The following IKZF3 variants were observed in gnomAD, a reference collection of about 807,000 sequenced individuals.
IKZF3 encodes the protein IKAROS family zinc finger 3.
A neutral mutation model predicts 49.0 loss-of-function variants in IKZF3; 10 were observed. The observed-to-expected ratio is 0.20, with a 90% CI of 0.13 to 0.35. The LOEUF (loss-of-function observed/expected upper bound fraction) is 0.35, where lower values mean the gene tolerates loss of function less well. IKZF3 is among the 10% of genes least tolerant of loss of function. IKZF3 has a pLI of 1.00. For missense variants in IKZF3, 498 were observed against 664.8 expected (o/e 0.75, Z 2.76); for synonymous variants, 209 against 228.2 (o/e 0.92, Z 0.76).
At position 39,864,244 on chromosome 17, in the gene IKZF3, G is replaced by A. The variant is rs1033355213; in HGVS notation, c.-118C>T. On this transcript the variant is annotated 5_prime_UTR_variant, in exon 1 of 8. Transcript: ENST00000346872. ...GAGATTCCCGGCGCGGGGAGTCCCCGGGATCCGGCAGCCGCGTCGGCGCAG... is the reference window on the plus strand; with the variant it reads ...GAGATTCCCGGCGCGGGGAGTCCCCAGGATCCGGCAGCCGCGTCGGCGCAG... The A allele has an allele frequency of 1.4e-5, 17 of 1,228,234 alleles. No individual in the cohort carries two copies. The East Asian group carries it at 3.9e-4, about 28-fold the overall frequency. The allele number at this position is 1,228,234 out of a possible 1,614,324, so 76.1% of individuals were successfully genotyped here. A position where few individuals can be genotyped will look rare whatever the true frequency, so the allele number is the denominator to read the frequency against.
chr17:39,835,985 C>G (rs947763107), intron 1 of IKZF3: 17 of 638,736 alleles, frequency 2.7e-5, no homozygotes, highest in Non-Finnish European at 4.9e-5. Context: ...TGATGTAGCT[C>G]TTGGACATGT....
rs188877707 is a variant in IKZF3, at chr17:39,859,022, T to C, written c.7+5098A>G. ...CAGGGCCTCACCATGTTGCCCAGGC[T>C]GGTCTCAAATTCCTGGCCTCAAGAA... On this transcript the variant is annotated intron_variant, in intron 1 of 7. Coordinates refer to ENST00000346872, the MANE Select transcript of IKZF3 (RefSeq NM_012481.5). Among the ~76,000 whole-genome samples the C allele has an allele frequency of 2.1e-4, 32 of 152,150 alleles. No individual in the cohort carries two copies. In the South Asian group the frequency reaches 5.2e-3, roughly 25 times the overall value.
Position 39,765,698 on chromosome 17 carries a change from C to T in IKZF3, c.*92G>A. The T allele has an allele frequency of 5.2e-6, 5 of 955,564 alleles. No individual in the cohort carries two copies. The South Asian group carries it at 8.2e-5, about 16-fold the overall frequency. The allele number at this position is 955,564 out of a possible 1,614,324, so 59.2% of individuals were successfully genotyped here. ...AAATGGTATGAAAAGAAGTTTGGAA[C>T]TGAGTATGTTTTGAGAGCAATCTGT... On this transcript the variant is annotated 3_prime_UTR_variant, in exon 8 of 8. Coordinates refer to ENST00000346872, the MANE Select transcript of IKZF3 (RefSeq NM_012481.5).
chr17:39,819,747 G>T (rs757595241), intron 3 of IKZF3, among the ~76,000 whole-genome samples: 1 of 152,076 alleles, frequency 6.6e-6, no homozygotes, highest in Non-Finnish European at 1.5e-5. Context: ...TTGGCTCACT[G>T]CAACCTCTGC....
chr17:39,851,057 G>GTA (rs137974655), intron 1 of IKZF3, among the ~76,000 whole-genome samples: 84 of 144,006 alleles, frequency 5.8e-4, no homozygotes, highest in Middle Eastern at 3.6e-3. Context: ...TATACTATGT[G>GTA]TATATATATA....
rs375305552 is a variant in IKZF3 at position 39,785,640 on chromosome 17, AT to A, written c.709+2617del. ...ACTGTTTATAGAGTGTAGTTTTCTG[AT>A]TTTTCCCCCTCCTTCCAGGAGAATC... On this transcript the variant is annotated intron_variant, in intron 6 of 7. Coordinates refer to ENST00000346872, the MANE Select transcript of IKZF3 (RefSeq NM_012481.5). Among the ~76,000 whole-genome samples, 233 of 152,188 alleles carry A rather than the reference AT, an allele frequency of 1.5e-3. 1 individual carries two copies. The highest frequency in any genetic ancestry group is 5.4e-3 in the African/African-American group (226 of 41,524).
At chr17:39,849,288 T>A (rs2062726473) in intron 1 of IKZF3, among the ~76,000 whole-genome samples, 2 of 108,078 alleles carry the variant, frequency 1.9e-5, no homozygotes, top group African/African-American at 3.8e-5. Flanking sequence ...ATACAAAAAT[T>A]AGCCAGGTGT....
At chr17:39,854,478 T>C (rs1011749257) in intron 1 of IKZF3, among the ~76,000 whole-genome samples, 1 of 152,070 alleles carries the variant, frequency 6.6e-6, no homozygotes, top group Non-Finnish European at 1.5e-5. Flanking sequence ...CTAGATAAAT[T>C]TGAGTGTACT....
At chr17:39,799,894 GTATGA>G (rs1432904866) in intron 3 of IKZF3, among the ~76,000 whole-genome samples, 1 of 152,094 alleles carries the variant, frequency 6.6e-6, no homozygotes, top group African/African-American at 2.4e-5. Flanking sequence ...TTTATATTTA[GTATGA>G]TATAATTACA....
chr17:39,768,361 T>C (rs1419015937), intron 7 of IKZF3, among the ~76,000 whole-genome samples: 2 of 151,770 alleles, frequency 1.3e-5, no homozygotes, highest in African/African-American at 4.8e-5. Flanking sequence ...TGAGGGGGAG[T>C]GCAGGAATGA....
At chr17:39,773,082 G>A (rs1015550144) in intron 7 of IKZF3, among the ~76,000 whole-genome samples, 1 of 152,156 alleles carries the variant, frequency 6.6e-6, no homozygotes, top group African/African-American at 2.4e-5. Context: ...TCCCAAAGTG[G>A]GGAATTACAG....
At chr17:39,834,159 G>A (rs1257390514) in intron 1 of IKZF3, among the ~76,000 whole-genome samples, 1 of 152,170 alleles carries the variant, frequency 6.6e-6, no homozygotes, top group East Asian at 1.9e-4. Context: ...CCTTGCACAA[G>A]TATTTCTGTG....
At chr17:39,816,090 T>C (rs1395593577) in intron 3 of IKZF3, among the ~76,000 whole-genome samples, 2 of 152,244 alleles carry the variant, frequency 1.3e-5, no homozygotes, top group East Asian at 1.9e-4. Context: ...TAAACTTGAG[T>C]TGATGTAAAT....
chr17:39,843,239 G>T (rs1306058179), intron 1 of IKZF3, among the ~76,000 whole-genome samples: 1 of 152,162 alleles, frequency 6.6e-6, no homozygotes, highest in Non-Finnish European at 1.5e-5. Flanking sequence ...TGGTTTTGAT[G>T]ATTTTATTGT....
At chr17:39,835,378 T>C (rs28449671) in intron 1 of IKZF3, 26,317 of 485,578 alleles carry the variant, frequency 0.054, 1,859 homozygotes, top group African/African-American at 0.25. Flanking sequence ...GCATCCTTAA[T>C]GGACCGCTCC....
At chr17:39,783,604 G>A (rs1240208077) in intron 6 of IKZF3, among the ~76,000 whole-genome samples, 1 of 152,240 alleles carries the variant, frequency 6.6e-6, no homozygotes, top group Non-Finnish European at 1.5e-5. Context: ...ACAGGCGTGA[G>A]CCACCGCGCC....
At chr17:39,862,152 T>C (rs1005917312) in intron 1 of IKZF3, among the ~76,000 whole-genome samples, 3 of 152,198 alleles carry the variant, frequency 2.0e-5, no homozygotes, top group African/African-American at 7.2e-5. Context: ...TTTTAGTATA[T>C]TCATTAAATC....
intron 3 of IKZF3, among the ~76,000 whole-genome samples, chr17:39,828,301 T>C (rs1324435035): frequency 6.6e-6 from 1 of 152,210 alleles, no homozygotes; most frequent in Non-Finnish European, 1.5e-5. Flanking sequence ...ACTAGTTCCG[T>C]ACCTGTGTAA....
At chr17:39,830,908 G>A (rs527304730) in intron 2 of IKZF3, among the ~76,000 whole-genome samples, 1 of 152,276 alleles carries the variant, frequency 6.6e-6, no homozygotes, top group Admixed American at 6.5e-5. Flanking sequence ...TGAAAATGTG[G>A]TCACCATGGA....
Sources: allele counts gnomAD v4.1 joint callset (sites outside exome capture counted in the v4.1 genomes callset), GRCh38; gene constraint gnomAD v4.1.1; transcripts MANE v1.5; gene names NCBI Gene and HGNC (gene_info 2026-07-23, HGNC 2026-07-21).